ZMYM4: variants seen among roughly 807,000 people sequenced by gnomAD.
ZMYM4 encodes zinc finger MYM-type containing 4.
ZMYM4 carries 31 observed loss-of-function variants against 183.2 expected under a neutral mutation model. The ratio of observed to expected loss-of-function variants is 0.17; its 90% CI spans 0.13 to 0.23. ZMYM4 has a LOEUF of 0.23. Ranked by LOEUF, ZMYM4 falls within the 10% of genes least tolerant of loss-of-function variation. The pLI is 1.00. For missense variants in ZMYM4, 1,273 were observed against 1,840.3 expected (o/e 0.69, Z 5.64); for synonymous variants, 592 against 631.2 (o/e 0.94, Z 0.93).
At position 35,381,327 on chromosome 1, in the gene ZMYM4, G is replaced by C. The variant is rs1486770383; in HGVS notation, c.1250G>C (p.Cys417Ser). The stretch of plus-strand genomic sequence containing the variant: ...AACACCACCACTAGTAAAGATTTTT[G>C]CAGTCAGTCATGTTTGTCAACATAT... ...FENTTTSKDF[C>S]SQSCLSTYEL... The change falls in exon 8 of 30, where the codon TGC becomes TCC. Residue 417 changes from cysteine to serine, a missense_variant. By Grantham distance (112) the Cys-to-Ser change is moderately radical (BLOSUM62 -1). Around this residue, in one of 6 missense-constraint regions of ZMYM4, gnomAD observed 319 missense variants for 518.1 expected, o/e 0.62. Coordinates refer to ENST00000314607, the MANE Select transcript of ZMYM4 (RefSeq NM_005095.3). 6.2e-7 allele frequency: 1 copy of C among 1,612,470 alleles called. No homozygotes were observed. The highest frequency in any genetic ancestry group is 8.5e-7 in the Non-Finnish European group (1 of 1,179,398).
At chr1:35,351,041 C>A in intron 2 of ZMYM4, 1 of 873,090 alleles carries the variant, frequency 1.1e-6, no homozygotes, top group Non-Finnish European at 1.9e-6. Context: ...TGGCCCGCAG[C>A]CTTCTCAATA....
chr1:35,405,244 C>T, intron 24 of ZMYM4, 50 bp downstream of exon 24: 10 of 1,597,602 alleles, frequency 6.3e-6, no homozygotes, highest in Non-Finnish European at 8.5e-6. Flanking sequence ...GGGAAATATA[C>T]AGATAATCTA....
chr1:35,385,931 T>C (rs1644565754), intron 10 of ZMYM4, 143 bp from the exon 11 acceptor site: 1 of 563,092 alleles, frequency 1.8e-6, no homozygotes, highest in Admixed American at 3.9e-5. Context: ...AGTTTTTGTC[T>C]ATATGTGACA....
intron 1 of ZMYM4, among the ~76,000 whole-genome samples, chr1:35,306,928 T>C (rs541844097): frequency 6.6e-6 from 1 of 152,374 alleles, no homozygotes; most frequent in South Asian, 2.1e-4. Context: ...TTGTGTAATA[T>C]CTACATTTCC....
intron 5 of ZMYM4, among the ~76,000 whole-genome samples, chr1:35,363,695 TTC>T (rs1448181528): frequency 6.6e-6 from 1 of 152,200 alleles, no homozygotes; most frequent in Non-Finnish European, 1.5e-5. Flanking sequence ...AAATAGATTT[TTC>T]TGTTCTATTT....
intron 2 of ZMYM4, among the ~76,000 whole-genome samples, chr1:35,349,708 T>TA (rs1332245517): frequency 6.6e-6 from 1 of 151,414 alleles, no homozygotes; most frequent in African/African-American, 2.4e-5. Flanking sequence ...TGGGCACCTG[T>TA]AATCCCAGCT....
At chr1:35,393,883 G>A (rs747804911) in intron 18 of ZMYM4, 144 bp downstream of exon 18, 10 of 931,082 alleles carry the variant, frequency 1.1e-5, no homozygotes, top group Non-Finnish European at 1.5e-5. Context: ...CAGCATCCCC[G>A]TGAGTTAGGT....
At chr1:35,285,455 GA>G (rs971548321) in intron 1 of ZMYM4, among the ~76,000 whole-genome samples, 3 of 150,262 alleles carry the variant, frequency 2.0e-5, no homozygotes, top group Admixed American at 6.6e-5. Context: ...GTAGAATGAA[GA>G]AAAAAAAGAA....
chr1:35,293,604 C>G (rs1303726281), intron 1 of ZMYM4, among the ~76,000 whole-genome samples: 1 of 152,064 alleles, frequency 6.6e-6, no homozygotes, highest in African/African-American at 2.4e-5. Context: ...GGCGTGAGCT[C>G]CTGCGCCCGG....
rs1368712925 is a variant in ZMYM4 at position 35,389,766 on chromosome 1, A to AT, written c.2437-182_2437-181insT. Among the ~76,000 whole-genome samples, 1,876 of 131,878 alleles carry AT rather than the reference A, an allele frequency of 0.014. 38 individuals carry two copies. Among genetic ancestry groups the AT allele is most frequent in the African/African-American group, 0.054 (1,589 of 29,260 alleles). The allele number at this position is 131,878 out of a possible 152,430, so 86.5% of individuals were successfully genotyped here. ...CAAGGCTCTGTCTCAAAAAAAAAAA[A>AT]AAATATATATATATATGTGTGTGTG... On this transcript the variant is annotated intron_variant, in intron 14 of 29. Coordinates refer to ENST00000314607, the MANE Select transcript of ZMYM4 (RefSeq NM_005095.3). The surrounding 1 kb of genome is among the most constrained non-coding windows in gnomAD (Gnocchi z 4.0).
At position 35,385,721 on chromosome 1, in the gene ZMYM4, A is replaced by G. The variant is rs958619067; in HGVS notation, c.1720+129A>G. 15 of 1,096,618 alleles carry G rather than the reference A, an allele frequency of 1.4e-5. No homozygotes were observed. The South Asian group carries it at 2.2e-4, about 16-fold the overall frequency. The allele number at this position is 1,096,618 out of a possible 1,614,324, so 67.9% of individuals were successfully genotyped here. On this transcript the variant is annotated intron_variant, in intron 10 of 29. Coordinates refer to ENST00000314607, the MANE Select transcript of ZMYM4 (RefSeq NM_005095.3). ...ATATTTCAGATATTTGTTGTAAAAT[A>G]TCACCTGTTACCTTGATTGCTTATT... is the stretch of plus-strand genomic sequence containing the variant.
intron 1 of ZMYM4, among the ~76,000 whole-genome samples, chr1:35,324,744 A>G (rs1366236949): frequency 6.6e-6 from 1 of 152,206 alleles, no homozygotes; most frequent in African/African-American, 2.4e-5. Context: ...CTCCAAAGTA[A>G]GGAGGCCTTC....
At chr1:35,301,627 A>G (rs1392280044) in intron 1 of ZMYM4, among the ~76,000 whole-genome samples, 2 of 151,748 alleles carry the variant, frequency 1.3e-5, no homozygotes, top group African/African-American at 4.8e-5. Context: ...AACTCTAGGA[A>G]TTGTTCTGCC....
At position 35,387,190 on chromosome 1, in the gene ZMYM4, A is replaced by G. The variant is rs143110900; in HGVS notation, c.2024A>G (p.His675Arg). ...GLQRLAAQSQ[H>R]VGFARSVVKL... Reference sequence around the variant, plus strand: ...CAGCGTCTCGCTGCCCAGTCCCAGCATGTTGGGTTTGCACGAAGTGTTGTG... The same window carrying G: ...CAGCGTCTCGCTGCCCAGTCCCAGCGTGTTGGGTTTGCACGAAGTGTTGTG... The change falls in exon 12 of 30, where the codon CAT (histidine) becomes CGT (arginine). Residue 675 changes from histidine to arginine, a missense_variant. Transcript: ENST00000314607. 183 of 1,614,248 alleles carry G rather than the reference A, an allele frequency of 1.1e-4. 1 individual carries two copies. In the East Asian group the frequency reaches 3.9e-3, roughly 35 times the overall value.
intron 1 of ZMYM4, among the ~76,000 whole-genome samples, chr1:35,304,003 T>A (rs1195273811): frequency 6.6e-6 from 1 of 152,178 alleles, no homozygotes; most frequent in Non-Finnish European, 1.5e-5. Flanking sequence ...TCTGATTTAT[T>A]TTTCTACTTA....
At chr1:35,275,329 C>T (rs1418504073) in intron 1 of ZMYM4, among the ~76,000 whole-genome samples, 1 of 151,974 alleles carries the variant, frequency 6.6e-6, no homozygotes, top group Non-Finnish European at 1.5e-5. Context: ...ACAACCTCCA[C>T]CTCCTGGGTT....
chr1:35,313,390 C>CTT lies in ZMYM4; in HGVS notation c.40-11955_40-11954dup, dbSNP rs36112055. Among the ~76,000 whole-genome samples the CTT allele has an allele frequency of 7.5e-3, 988 of 131,472 alleles. 17 individuals are homozygous for CTT. Among genetic ancestry groups the CTT allele is most frequent in the South Asian group, 0.023 (98 of 4,192 alleles). The allele number at this position is 131,472 out of a possible 152,430, so 86.3% of individuals were successfully genotyped here. ...TCTGTCACTTTTTCTTTTTCTTTTT[C>CTT]TTTTTTTTTTTTTTTTGAGACAGAG... On this transcript the variant is annotated intron_variant, in intron 1 of 29. Transcript: ENST00000314607.
intron 18 of ZMYM4, among the ~76,000 whole-genome samples, chr1:35,394,921 A>G (rs1570516601): frequency 6.6e-6 from 1 of 151,370 alleles, no homozygotes; most frequent in South Asian, 2.1e-4. Flanking sequence ...CAAGACCAGC[A>G]CGGGCAACAT....
chr1:35,286,901 T>A (rs1309619430), intron 1 of ZMYM4, among the ~76,000 whole-genome samples: 1 of 144,396 alleles, frequency 6.9e-6, no homozygotes, highest in Non-Finnish European at 1.5e-5. Context: ...AGATTATAGG[T>A]GTGAACCACC....
Sources: gnomAD v4.1 joint callset for allele counts (sites outside exome capture counted in the v4.1 genomes callset) on GRCh38, gnomAD v4.1.1 for gene constraint, gnomAD v4.1.1 regional missense constraint, Gnocchi (gnomAD v3.1) non-coding constraint, MANE v1.5 for transcripts, NCBI Gene and HGNC (gene_info 2026-07-23, HGNC 2026-07-21) for gene names.